Variants in ELAVL4 observed in about 807,000 individuals in gnomAD.
ELAVL4 encodes the protein ELAV like RNA binding protein 4.
A neutral mutation model predicts 35.6 loss-of-function variants in ELAVL4; 1 was observed. That is an observed-to-expected ratio of 0.03 (90% CI 0.01 to 0.13). ELAVL4 has a LOEUF of 0.13. Ranked by LOEUF, ELAVL4 falls within the 10% of genes least tolerant of loss-of-function variation. ELAVL4 has a pLI of 1.00. For missense variants in ELAVL4, 267 were observed against 464.9 expected, an observed-to-expected ratio of 0.57 and a Z score of 3.91; for synonymous variants, 156 against 171.0, an observed-to-expected ratio of 0.91 and a Z score of 0.69.
chr1:50,086,299 CT>C (rs1240934142), intron 1 of ELAVL4, among the ~76,000 whole-genome samples: 1 of 151,680 alleles, frequency 6.6e-6, no homozygotes, highest in Admixed American at 6.6e-5. Flanking sequence ...GTCCTTTCTA[CT>C]TGTATAAAGG....
chr1:50,062,310 C>G (rs564809793), intron 1 of ELAVL4, among the ~76,000 whole-genome samples: 5 of 151,988 alleles, frequency 3.3e-5, no homozygotes, highest in African/African-American at 9.7e-5. Flanking sequence ...GAGGAGGGAC[C>G]TAATTTGTGT....
At chr1:50,134,640 C>G (rs1036700057) in intron 1 of ELAVL4, among the ~76,000 whole-genome samples, 9 of 152,074 alleles carry the variant, frequency 5.9e-5, no homozygotes, top group African/African-American at 1.9e-4. Context: ...TTGTCTTTTT[C>G]AAATCTGACT....
At chr1:50,110,324 G>A (rs981555561) in intron 1 of ELAVL4, among the ~76,000 whole-genome samples, 1 of 152,104 alleles carries the variant, frequency 6.6e-6, no homozygotes, top group African/African-American at 2.4e-5. Flanking sequence ...GACTGCTAAA[G>A]TTAAAGGCAC....
At chr1:50,182,786 T>C (rs1337702155) in intron 3 of ELAVL4, among the ~76,000 whole-genome samples, 2 of 152,174 alleles carry the variant, frequency 1.3e-5, no homozygotes, top group African/African-American at 2.4e-5. Flanking sequence ...TAATTTGGTA[T>C]GTACAGAATC....
chr1:50,177,316 A>C (rs1572547187), intron 3 of ELAVL4, 124 bp downstream of exon 3: 81 of 720,016 alleles, frequency 1.1e-4, no homozygotes, highest in Non-Finnish European at 2.4e-6. Flanking sequence ...AAGAACATTT[A>C]CCATCCACTA....
At chr1:50,120,581 G>A (rs1238227531) in intron 1 of ELAVL4, among the ~76,000 whole-genome samples, 1 of 152,010 alleles carries the variant, frequency 6.6e-6, no homozygotes, top group African/African-American at 2.4e-5. Context: ...GTCAAGACCT[G>A]TCTTTATTAA....
chr1:50,159,840 T>C (rs890267648), intron 2 of ELAVL4, among the ~76,000 whole-genome samples: 1 of 152,040 alleles, frequency 6.6e-6, no homozygotes, highest in Non-Finnish European at 1.5e-5. Context: ...CATGAAGACC[T>C]CATTTATTTC....
At chr1:50,166,716 C>T (rs1677991582) in intron 2 of ELAVL4, among the ~76,000 whole-genome samples, 2 of 152,282 alleles carry the variant, frequency 1.3e-5, no homozygotes, top group South Asian at 2.1e-4. Flanking sequence ...CTAAGAGACA[C>T]CCTAATGAAT....
chr1:50,133,631 GAA>G (rs1208170729), intron 1 of ELAVL4, among the ~76,000 whole-genome samples: 4 of 148,886 alleles, frequency 2.7e-5, no homozygotes, highest in African/African-American at 7.4e-5. Flanking sequence ...AAGAAAGAAA[GAA>G]AGAAAGAAAG....
chr1:50,077,271 G>A (rs1173293044), intron 1 of ELAVL4, among the ~76,000 whole-genome samples: 1 of 152,214 alleles, frequency 6.6e-6, no homozygotes, highest in Non-Finnish European at 1.5e-5. Flanking sequence ...TAGTCAGCAA[G>A]ATGGAGACCC....
intron 1 of ELAVL4, among the ~76,000 whole-genome samples, chr1:50,061,735 G>T (rs894519845): frequency 7.2e-5 from 11 of 152,156 alleles, no homozygotes; most frequent in African/African-American, 2.7e-4. Flanking sequence ...GAGTACTAAG[G>T]CCTGGCCATT....
At chr1:50,073,567 A>T (rs1056839669) in intron 1 of ELAVL4, among the ~76,000 whole-genome samples, 5 of 152,158 alleles carry the variant, frequency 3.3e-5, no homozygotes, top group Admixed American at 6.5e-5. Flanking sequence ...TCAATGCAAA[A>T]TCAATAATAT....
At chr1:50,070,853 C>T (rs1291375040) in intron 1 of ELAVL4, among the ~76,000 whole-genome samples, 1 of 152,132 alleles carries the variant, frequency 6.6e-6, no homozygotes, top group Non-Finnish European at 1.5e-5. Flanking sequence ...CCACATACTC[C>T]ATAGGACTGT....
At chr1:50,050,742 G>A (rs969500903) in intron 1 of ELAVL4, among the ~76,000 whole-genome samples, 1 of 152,080 alleles carries the variant, frequency 6.6e-6, no homozygotes, top group Non-Finnish European at 1.5e-5. Context: ...TATTTGAGCA[G>A]TACTGCTCAT....
At chr1:50,138,297 CTG>C (rs1031674786) in intron 1 of ELAVL4, among the ~76,000 whole-genome samples, 174 of 152,230 alleles carry the variant, frequency 1.1e-3, no homozygotes, top group African/African-American at 4.1e-3. Flanking sequence ...AACTTTCAAT[CTG>C]GAGATAATAG....
At chr1:50,195,160 G>A (rs756096484) in intron 4 of ELAVL4, among the ~76,000 whole-genome samples, 61 of 152,366 alleles carry the variant, frequency 4.0e-4, no homozygotes, top group Middle Eastern at 3.4e-3. Flanking sequence ...TACAGAAGAT[G>A]TTTTTAAAGC....
intron 1 of ELAVL4, among the ~76,000 whole-genome samples, chr1:50,058,320 A>G (rs1172789811): frequency 6.6e-6 from 1 of 152,194 alleles, no homozygotes; most frequent in Non-Finnish European, 1.5e-5. Flanking sequence ...ATGGAGCACT[A>G]GATTGATGTG....
intron 1 of ELAVL4, among the ~76,000 whole-genome samples, chr1:50,113,374 T>A (rs192737466): frequency 2.9e-3 from 442 of 152,180 alleles, no homozygotes; most frequent in Non-Finnish European, 3.8e-3. Flanking sequence ...TTAATTTTTT[T>A]AAAAAAAGAA....
chr1:50,154,727 C>T (rs1298884198), intron 2 of ELAVL4, among the ~76,000 whole-genome samples: 5 of 148,932 alleles, frequency 3.4e-5, no homozygotes. Context: ...CTTTTCTTTG[C>T]CTGGTTTGTT....
Sources: allele counts gnomAD v4.1 joint callset (sites outside exome capture counted in the v4.1 genomes callset), GRCh38; gene constraint gnomAD v4.1.1; transcripts MANE v1.5; gene names NCBI Gene and HGNC (gene_info 2026-07-23, HGNC 2026-07-21).